Variants in LMBRD1 observed in about 807,000 individuals in gnomAD.
LMBRD1 encodes the protein LMBR1 domain containing 1, also known as lysosomal cobalamin transport escort protein LMBD1.
Under a neutral mutation model 74.8 loss-of-function variants are expected in LMBRD1, and 64 were observed. That is an observed-to-expected ratio of 0.86 (90% CI 0.70 to 1.05). The LOEUF is 1.05. LMBRD1 is among the 50% of genes least tolerant of loss of function. The pLI is 0.00. For synonymous variants in LMBRD1, 204 were observed against 216.3 expected, an observed-to-expected ratio of 0.94 and a Z score of 0.50; for missense variants, 652 against 645.9, an observed-to-expected ratio of 1.01 and a Z score of -0.10.
Position 69,702,131 on chromosome 6 carries a change from A to G in LMBRD1, c.916-178T>C, listed in dbSNP as rs1766146009. 2.0e-5 allele frequency among the ~76,000 whole-genome samples: 3 copies of G among 151,888 alleles called. No individual in the cohort carries two copies. The South Asian group carries it at 6.2e-4, about 31-fold the overall frequency. The stretch of plus-strand genomic sequence containing the variant: ...TTTATACCTGAATTTTCATTATGAG[A>G]CTATTTGATTGAGAACATGTACATA... On this transcript the variant is annotated intron_variant, in intron 9 of 15. Transcript: ENST00000649934.
chr6:69,703,522 G>A (rs1172907564), intron 9 of LMBRD1, among the ~76,000 whole-genome samples: 1 of 149,340 alleles, frequency 6.7e-6, no homozygotes, highest in African/African-American at 2.5e-5. Flanking sequence ...CTGTAGAGAT[G>A]ACTGACCCAG....
chr6:69,773,050 G>C (rs1423372747), intron 3 of LMBRD1, among the ~76,000 whole-genome samples: 2 of 152,260 alleles, frequency 1.3e-5, no homozygotes, highest in South Asian at 4.1e-4. Flanking sequence ...AAGGTCTCAT[G>C]TACTCTTCTC....
chr6:69,738,599 T>TAC (rs3217690), intron 6 of LMBRD1, among the ~76,000 whole-genome samples: 23,569 of 145,188 alleles, frequency 0.16, 1,847 homozygotes, highest in Non-Finnish European at 0.18. Context: ...GGTTTAAAAA[T>TAC]ACACACACAC....
intron 4 of LMBRD1, among the ~76,000 whole-genome samples, chr6:69,751,729 CAT>C (rs1765157785): frequency 1.3e-5 from 2 of 152,222 alleles, no homozygotes; most frequent in South Asian, 4.1e-4. Flanking sequence ...CAGTGTGCCA[CAT>C]CTGATTCATC....
chr6:69,765,644 A>G (rs914111641), intron 3 of LMBRD1, among the ~76,000 whole-genome samples: 1 of 152,178 alleles, frequency 6.6e-6, no homozygotes, highest in African/African-American at 2.4e-5. Context: ...TTTTTCAAAA[A>G]TATTTTTAAA....
chr6:69,788,548 CACTT>C (rs1766010386), intron 2 of LMBRD1, among the ~76,000 whole-genome samples: 2 of 152,112 alleles, frequency 1.3e-5, no homozygotes, highest in South Asian at 2.1e-4. Flanking sequence ...TCTAAAATGA[CACTT>C]ATTTATCAGA....
chr6:69,706,137 G>C (rs1766251549), intron 9 of LMBRD1: 1 of 543,894 alleles, frequency 1.8e-6, no homozygotes, highest in Admixed American at 2.4e-5. Context: ...GGGGGTTTAT[G>C]TCCATGTCCA....
chr6:69,747,030 T>C (rs1767249539), intron 5 of LMBRD1, among the ~76,000 whole-genome samples: 1 of 143,938 alleles, frequency 6.9e-6, no homozygotes, highest in Non-Finnish European at 1.5e-5. Context: ...TGTCATGTAC[T>C]ATCAATAAAG....
At chr6:69,688,832 G>T (rs1450810145) in intron 14 of LMBRD1, among the ~76,000 whole-genome samples, 2 of 151,858 alleles carry the variant, frequency 1.3e-5, no homozygotes, top group Non-Finnish European at 2.9e-5. Flanking sequence ...TTAAAAATGA[G>T]GTAATATATA....
In LMBRD1 at chr6:69,675,938, C is replaced by A. The variant is rs1765534415; in HGVS notation, c.*220G>T. 1.9e-6 allele frequency: 1 copy of A among 516,386 alleles called. No individual in the cohort carries two copies. Among genetic ancestry groups the A allele is most frequent in the Non-Finnish European group, 3.5e-6 (1 of 289,338 alleles). 32.0% of individuals were successfully genotyped at this position (516,386 alleles called of 1,614,324 possible). A position where few individuals can be genotyped will look rare whatever the true frequency, so the allele number is the denominator to read the frequency against. ...TTTGCACAAACATTCCCTCACAAAG[C>A]CAGTAGTCTTATATTTACATAGCAT... On this transcript the variant is annotated 3_prime_UTR_variant, in exon 16 of 16. Transcript: ENST00000649934.
intron 3 of LMBRD1, among the ~76,000 whole-genome samples, chr6:69,755,453 G>A (rs985910844): frequency 2.0e-5 from 3 of 151,976 alleles, no homozygotes; most frequent in African/African-American, 7.3e-5. Flanking sequence ...AAGGCCGGGG[G>A]AGAGCATTAG....
intron 13 of LMBRD1, among the ~76,000 whole-genome samples, chr6:69,697,851 T>C (rs1195665878): frequency 6.6e-6 from 1 of 152,110 alleles, no homozygotes; most frequent in Non-Finnish European, 1.5e-5. Flanking sequence ...CTTTAGGTCC[T>C]GTGTTGAACA....
chr6:69,753,801 C>A (rs1416759549), intron 3 of LMBRD1, among the ~76,000 whole-genome samples: 1 of 151,932 alleles, frequency 6.6e-6, no homozygotes, highest in African/African-American at 2.4e-5. Flanking sequence ...ATTAGCTGGG[C>A]GTGGTCGTGG....
intron 14 of LMBRD1, among the ~76,000 whole-genome samples, chr6:69,677,441 G>A (rs887010267): frequency 2.6e-5 from 4 of 152,070 alleles, no homozygotes; most frequent in Admixed American, 6.6e-5. Context: ...GAAAAGTGGG[G>A]TTCTAATTTC....
intron 14 of LMBRD1, among the ~76,000 whole-genome samples, chr6:69,692,522 C>T (rs1272880871): frequency 6.6e-6 from 1 of 151,958 alleles, no homozygotes; most frequent in Admixed American, 6.5e-5. Context: ...CTTGCTTCAC[C>T]CCTAACTGTA....
chr6:69,746,756 A>C (rs1767242009), intron 5 of LMBRD1: 1 of 158,032 alleles, frequency 6.3e-6, no homozygotes, highest in Admixed American at 6.3e-5. Flanking sequence ...TGCCTTCAAC[A>C]ACCACTTTTT....
chr6:69,729,064 T>C (rs1402318101), intron 7 of LMBRD1, among the ~76,000 whole-genome samples: 1 of 151,900 alleles, frequency 6.6e-6, no homozygotes, highest in African/African-American at 2.4e-5. Context: ...ATTCTACATA[T>C]AAAGCACTTC....
chr6:69,716,033 T>C lies in LMBRD1; in HGVS notation c.763-2236A>G, dbSNP rs189302253. 5.1e-3 allele frequency among the ~76,000 whole-genome samples: 781 copies of C among 152,306 alleles called. 3 individuals are homozygous for C. The highest frequency in any genetic ancestry group is 8.1e-3 in the Non-Finnish European group (551 of 68,028). Reference sequence around the variant, plus strand: ...AGTCTACCATTGATGAGCATTTAGGTTGATTCCATGTCTTTGCTATTGTGA... The same window carrying C: ...AGTCTACCATTGATGAGCATTTAGGCTGATTCCATGTCTTTGCTATTGTGA... On this transcript the variant is annotated intron_variant, in intron 8 of 15. Transcript: ENST00000649934.
rs369890733 is a variant in LMBRD1, at chr6:69,769,519, A to G, written c.307+10975T>C. Among the ~76,000 whole-genome samples, 7 of 152,130 alleles carry G rather than the reference A, an allele frequency of 4.6e-5. No homozygotes were observed. The East Asian group carries it at 5.8e-4, about 13-fold the overall frequency. On this transcript the variant is annotated intron_variant, in intron 3 of 15. Transcript: ENST00000649934. ...GTTTCCACTATATGCTGTTTTCCTT[A>G]GCATTGTTCATGTTTTCCTATTTCT...
Sources: allele counts gnomAD v4.1 joint callset (sites outside exome capture counted in the v4.1 genomes callset), GRCh38; gene constraint gnomAD v4.1.1; transcripts MANE v1.5; gene names NCBI Gene and HGNC (gene_info 2026-07-23, HGNC 2026-07-21).